The following ASRGL1 variants were observed in gnomAD, a reference collection of about 807,000 sequenced individuals.
The protein encoded by ASRGL1 is asparaginase and isoaspartyl peptidase 1.
ASRGL1 carries 16 observed loss-of-function variants against 22.4 expected under a neutral mutation model. The observed-to-expected ratio is 0.71, with a 90% CI of 0.48 to 1.08. ASRGL1 has a LOEUF of 1.08. Ranked by LOEUF, ASRGL1 falls within the 50% of genes least tolerant of loss-of-function variation. ASRGL1 has a pLI of 0.00. For missense variants in ASRGL1, 412 were observed against 410.1 expected (o/e 1.00, Z -0.04); for synonymous variants, 165 against 159.3 (o/e 1.04, Z -0.27).
chr11:62,395,896 C>T (rs181070466), downstream of ASRGL1, among the ~76,000 whole-genome samples: 85 of 151,178 alleles, frequency 5.6e-4, no homozygotes, highest in African/African-American at 1.9e-3. Context: ...CTCAGCCTCC[C>T]GAGTAGCTGG....
At position 62,389,441 on chromosome 11, in the gene ASRGL1, G is replaced by A. The variant is rs975401594; in HGVS notation, c.610+190G>A. ...GGGGTGCTGCCTTGAGAGGGTGTTTGTATCTGGCGCCACTGTTTTTACTAG... is the reference window on the plus strand; with the variant it reads ...GGGGTGCTGCCTTGAGAGGGTGTTTATATCTGGCGCCACTGTTTTTACTAG... On this transcript the variant is annotated intron_variant, in intron 5 of 6. Transcript: ENST00000415229. 4 of 681,172 alleles carry A rather than the reference G, an allele frequency of 5.9e-6. No individual in the cohort carries two copies. The African/African-American group carries it at 7.1e-5, about 12-fold the overall frequency. The allele number at this position is 681,172 out of a possible 1,614,324, so 42.2% of individuals were successfully genotyped here.
At chr11:62,339,418 T>G (rs1565150050) in intron 2 of ASRGL1, among the ~76,000 whole-genome samples, 1 of 152,194 alleles carries the variant, frequency 6.6e-6, no homozygotes, top group Non-Finnish European at 1.5e-5. Flanking sequence ...TTCCAAAGTT[T>G]TCAGGTTAAC....
At chr11:62,351,970 G>C (rs1946177730) in intron 2 of ASRGL1, among the ~76,000 whole-genome samples, 1 of 152,162 alleles carries the variant, frequency 6.6e-6, no homozygotes, top group African/African-American at 2.4e-5. Context: ...ACCTCACCCA[G>C]CCAAGAACTT....
chr11:62,373,045 C>A, intron 4 of ASRGL1: 1 of 1,387,840 alleles, frequency 7.2e-7, no homozygotes, highest in Non-Finnish European at 1.0e-6. Context: ...GAGGTGAAGA[C>A]TCTGCATGGC....
chr11:62,364,261 G>A (rs947658530), intron 4 of ASRGL1, among the ~76,000 whole-genome samples: 1 of 151,848 alleles, frequency 6.6e-6, no homozygotes, highest in Non-Finnish European at 1.5e-5. Context: ...GTGTGCGCGT[G>A]CATGTGTGCG....
intron 4 of ASRGL1, among the ~76,000 whole-genome samples, chr11:62,375,100 A>AC (rs892371883): frequency 3.9e-5 from 6 of 152,022 alleles, no homozygotes; most frequent in African/African-American, 1.2e-4. Flanking sequence ...CTCTTCTAGA[A>AC]CCCTAGCCCA....
rs374186408 is a variant in ASRGL1 at position 62,371,843 on chromosome 11, A to C, written c.491+14699A>C. On this transcript the variant is annotated intron_variant, in intron 4 of 6. Coordinates refer to ENST00000415229, the MANE Select transcript of ASRGL1 (RefSeq NM_001083926.2). ...GTGGCGGGCTCCTGTAGTCCCAGCT[A>C]ATCAGGAGGCTGAGGCAGGAGAATG... 1.3e-5 allele frequency: 7 copies of C among 521,856 alleles called. 1 individual carries two copies. Among genetic ancestry groups the C allele is most frequent in the African/African-American group, 1.2e-4 (6 of 51,700 alleles). 32.3% of individuals were successfully genotyped at this position (521,856 alleles called of 1,614,324 possible).
chr11:62,345,193 C>G (rs888111091), intron 2 of ASRGL1, among the ~76,000 whole-genome samples: 10 of 152,172 alleles, frequency 6.6e-5, no homozygotes, highest in Non-Finnish European at 1.5e-4. Flanking sequence ...AATAACTCCT[C>G]CATATACTGA....
chr11:62,399,695 G>A, the ASRGL1 span, among the ~76,000 whole-genome samples: 1 of 152,194 alleles, frequency 6.6e-6, no homozygotes, highest in African/African-American at 2.4e-5. Flanking sequence ...GACCCAGCGG[G>A]CAGCACTGCC....
Position 62,392,576 on chromosome 11 carries a change from A to AAG in ASRGL1, c.*293_*294insGA. ...AGAGCCAGGCCCTGTATCAAAAAAA[A>AAG]AAAAAAAAAGAAAAGGGAAAAAAGA... On this transcript the variant is annotated 3_prime_UTR_variant, in exon 7 of 7. Coordinates refer to ENST00000415229, the MANE Select transcript of ASRGL1 (RefSeq NM_001083926.2). 1 of 201,442 alleles carries AAG rather than the reference A, an allele frequency of 5.0e-6. No homozygotes were observed. Among genetic ancestry groups the AAG allele is most frequent in the Non-Finnish European group, 8.5e-6 (1 of 117,252 alleles). The allele number at this position is 201,442 out of a possible 1,614,324, so 12.5% of individuals were successfully genotyped here. A position where few individuals can be genotyped will look rare whatever the true frequency, so the allele number is the denominator to read the frequency against.
At chr11:62,360,390 A>AT (rs533992284) in intron 4 of ASRGL1, among the ~76,000 whole-genome samples, 101 of 149,702 alleles carry the variant, frequency 6.7e-4, no homozygotes, top group Non-Finnish European at 1.2e-3. Flanking sequence ...ATACATTCTC[A>AT]TTTTTTTATA....
downstream of ASRGL1, among the ~76,000 whole-genome samples, chr11:62,395,510 C>T (rs1274582819): frequency 2.0e-5 from 3 of 152,230 alleles, no homozygotes; most frequent in South Asian, 6.2e-4. Flanking sequence ...GCATAATACA[C>T]ATTTTTCTCA....
At chr11:62,372,163 TG>T in intron 4 of ASRGL1, 1 of 917,834 alleles carries the variant, frequency 1.1e-6, no homozygotes, top group Non-Finnish European at 1.8e-6. Flanking sequence ...AGCTGGGACA[TG>T]GTGACACCAA....
At chr11:62,358,408 G>T (rs1946356054) in intron 4 of ASRGL1, among the ~76,000 whole-genome samples, 1 of 150,738 alleles carries the variant, frequency 6.6e-6, no homozygotes, top group South Asian at 2.1e-4. Flanking sequence ...CCTTATGTTG[G>T]CAGCTGTTGA....
chr11:62,362,891 ATTTTTTTTTTTTTTTTTTTTTTT>A (rs60507577), intron 4 of ASRGL1, among the ~76,000 whole-genome samples: 11 of 50,364 alleles, frequency 2.2e-4, no homozygotes, highest in Admixed American at 9.7e-4. Context: ...AAAGGATTTA[ATTTTTTTTTTTTTTTTTTTTTTT>A]TTTTTTTTTT....
intron 2 of ASRGL1, 139 bp downstream of exon 2, chr11:62,338,306 T>G: frequency 1.0e-6 from 1 of 974,934 alleles, no homozygotes; most frequent in Non-Finnish European, 1.4e-6. Context: ...CAATATTTAA[T>G]TTTTCTACCT....
At chr11:62,347,384 G>A (rs1021226540) in intron 2 of ASRGL1, among the ~76,000 whole-genome samples, 5 of 152,168 alleles carry the variant, frequency 3.3e-5, no homozygotes, top group Admixed American at 2.0e-4. Context: ...CGGAGATAGA[G>A]GGGTGAGACT....
chr11:62,362,946 T>A, intron 4 of ASRGL1, among the ~76,000 whole-genome samples: 1 of 111,500 alleles, frequency 9.0e-6, no homozygotes, highest in Admixed American at 1.2e-4. Flanking sequence ...TGAGACAGAG[T>A]CTTGCTGTGT....
chr11:62,375,882 C>T (rs975494414), intron 4 of ASRGL1, among the ~76,000 whole-genome samples: 3 of 151,682 alleles, frequency 2.0e-5, no homozygotes, highest in Non-Finnish European at 2.9e-5. Context: ...GAGGCCGAGG[C>T]GGGTGGATCA....
Sources: gnomAD v4.1 joint callset for allele counts (sites outside exome capture counted in the v4.1 genomes callset) on GRCh38, gnomAD v4.1.1 for gene constraint, MANE v1.5 for transcripts, NCBI Gene and HGNC (gene_info 2026-07-23, HGNC 2026-07-21) for gene names.